The following PARP4 variants were observed in gnomAD, a reference collection of about 807,000 sequenced individuals.
PARP4 encodes the protein protein mono-ADP-ribosyltransferase PARP4.
Under a neutral mutation model 187.7 loss-of-function variants are expected in PARP4, and 120 were observed. The ratio of observed to expected loss-of-function variants is 0.64; its 90% CI spans 0.55 to 0.74. PARP4 has a LOEUF of 0.74. Among genes scored for constraint, PARP4 ranks in the 30% least tolerant of loss-of-function variants. The pLI is 0.00. For synonymous variants in PARP4, 654 were observed against 740.9 expected (o/e 0.88, Z 1.90); for missense variants, 1,836 against 2,070.5 (o/e 0.89, Z 2.20).
At chr13:24,499,634 A>G (rs1214660486) in intron 4 of PARP4, among the ~76,000 whole-genome samples, 1 of 152,186 alleles carries the variant, frequency 6.6e-6, no homozygotes, top group Non-Finnish European at 1.5e-5. Flanking sequence ...TCTGCACTGG[A>G]AGATGGTCTC....
At chr13:24,451,347 T>C (rs988180856) in intron 24 of PARP4, among the ~76,000 whole-genome samples, 1 of 152,222 alleles carries the variant, frequency 6.6e-6, no homozygotes, top group Non-Finnish European at 1.5e-5. Flanking sequence ...TGGCCTGTGA[T>C]GCTGGGCTAG....
intron 1 of PARP4, among the ~76,000 whole-genome samples, chr13:24,504,440 A>T (rs1247994534): frequency 6.7e-6 from 1 of 148,910 alleles, no homozygotes; most frequent in Non-Finnish European, 1.5e-5. Context: ...CAGCCTCCCG[A>T]GTAGCTGGGA....
chr13:24,421,819 G>A (rs1273975104), intron 33 of PARP4, among the ~76,000 whole-genome samples: 6 of 152,262 alleles, frequency 3.9e-5, no homozygotes, highest in Non-Finnish European at 7.3e-5. Context: ...TAAGCATATC[G>A]AGTCAAGTCT....
rs538398794 is a variant in PARP4 at position 24,462,288 on chromosome 13, C to T, written c.2134-2152G>A. On this transcript the variant is annotated intron_variant, in intron 17 of 33. Coordinates refer to ENST00000381989, the MANE Select transcript of PARP4 (RefSeq NM_006437.4). ...GAATGAACCTCAGTGAGAATTGTTC[C>T]GGATCCAGAACCCAAGAGGCACAGG... Among the ~76,000 whole-genome samples the T allele has an allele frequency of 2.2e-4, 33 of 152,248 alleles. 1 individual carries two copies. Among genetic ancestry groups the T allele is most frequent in the African/African-American group, 7.7e-4 (32 of 41,558 alleles).
chr13:24,455,365 G>A (rs141068232), intron 21 of PARP4, among the ~76,000 whole-genome samples, 153 bp from the exon 22 acceptor site: 204 of 151,870 alleles, frequency 1.3e-3, no homozygotes, highest in African/African-American at 4.8e-3. Flanking sequence ...GGCCTACTAG[G>A]AGTTCCAGTC....
At chr13:24,425,131 T>A (rs1381175949) in intron 33 of PARP4, among the ~76,000 whole-genome samples, 1 of 152,054 alleles carries the variant, frequency 6.6e-6, no homozygotes, top group Non-Finnish European at 1.5e-5. Flanking sequence ...GCAAAGCCCC[T>A]TCTTTACAAA....
chr13:24,497,307 T>A (rs1368315833), intron 6 of PARP4, among the ~76,000 whole-genome samples: 1 of 152,186 alleles, frequency 6.6e-6, no homozygotes, highest in Non-Finnish European at 1.5e-5. Context: ...CAGTGGATTG[T>A]AATGATGAGT....
At chr13:24,500,247 T>C (rs1869197286) in intron 4 of PARP4, 69 bp downstream of exon 4, 10 of 779,456 alleles carry the variant, frequency 1.3e-5, no homozygotes, top group Admixed American at 2.7e-5. Flanking sequence ...ATTTTAATAC[T>C]GTGCTTGAGG....
At chr13:24,458,212 C>T (rs1871991182) in intron 20 of PARP4, among the ~76,000 whole-genome samples, 1 of 151,782 alleles carries the variant, frequency 6.6e-6, no homozygotes. Context: ...TGGGTTCACG[C>T]CATTCTCCTG....
intron 6 of PARP4, among the ~76,000 whole-genome samples, chr13:24,496,851 C>T (rs1472373125): frequency 6.6e-6 from 1 of 152,078 alleles, no homozygotes; most frequent in Non-Finnish European, 1.5e-5. Context: ...GGTGAAACCC[C>T]GTCTCTACTA....
At chr13:24,477,631 C>T in intron 14 of PARP4, 70 bp downstream of exon 14, 1 of 838,220 alleles carries the variant, frequency 1.2e-6, no homozygotes, top group Non-Finnish European at 2.0e-6. Context: ...ATATACATTC[C>T]ATTGAAAATA....
At chr13:24,462,363 AAC>A (rs2137487280) in intron 17 of PARP4, among the ~76,000 whole-genome samples, 1 of 152,262 alleles carries the variant, frequency 6.6e-6, no homozygotes, top group African/African-American at 2.4e-5. Flanking sequence ...TAATAATAAC[AAC>A]AGAGAGTAAT....
Position 24,474,340 on chromosome 13 carries a change from G to A in PARP4, c.1914+1132C>T, listed in dbSNP as rs1290225635. Among the ~76,000 whole-genome samples, 5 of 127,606 alleles carry A rather than the reference G, an allele frequency of 3.9e-5. No homozygotes were observed. The East Asian group carries it at 7.6e-4, about 19-fold the overall frequency. The allele number at this position is 127,606 out of a possible 152,430, so 83.7% of individuals were successfully genotyped here. ...AATCGTCTCCTCTATGTGATGTGAC[G>A]TTGGGCCTGCTGTGTCCCCTTCAGG... On this transcript the variant is annotated intron_variant, in intron 15 of 33. Coordinates refer to ENST00000381989, the MANE Select transcript of PARP4 (RefSeq NM_006437.4).
At chr13:24,484,067 A>C (rs1432942444) in intron 12 of PARP4, among the ~76,000 whole-genome samples, 1 of 152,318 alleles carries the variant, frequency 6.6e-6, no homozygotes, top group Non-Finnish European at 1.5e-5. Flanking sequence ...GCCTGAACTC[A>C]GTCTCCATCC....
intron 6 of PARP4, among the ~76,000 whole-genome samples, chr13:24,497,347 C>G (rs551569134): frequency 5.9e-5 from 9 of 152,206 alleles, no homozygotes; most frequent in African/African-American, 1.9e-4. Context: ...TGATCTCTGA[C>G]GCCAGGGTGT....
intron 17 of PARP4, among the ~76,000 whole-genome samples, chr13:24,462,475 C>T (rs553003770): frequency 6.6e-6 from 1 of 152,202 alleles, no homozygotes; most frequent in Admixed American, 6.5e-5. Flanking sequence ...TTATTTCAGT[C>T]TCTCTTCTTC....
At chr13:24,503,611 T>G in intron 2 of PARP4, 34 bp downstream of exon 2, 1 of 1,610,716 alleles carries the variant, frequency 6.2e-7, no homozygotes, top group Non-Finnish European at 8.5e-7. Context: ...GCGCAATGTT[T>G]TATCACACTG....
intron 27 of PARP4, among the ~76,000 whole-genome samples, chr13:24,445,514 G>C (rs368658210): frequency 6.7e-4 from 102 of 152,246 alleles, no homozygotes; most frequent in African/African-American, 2.4e-3. Flanking sequence ...CACCTAAAGG[G>C]GTTCAGGGAG....
At chr13:24,433,104 C>T (rs1870433334) in intron 31 of PARP4, among the ~76,000 whole-genome samples, 1 of 152,170 alleles carries the variant, frequency 6.6e-6, no homozygotes, top group African/African-American at 2.4e-5. Flanking sequence ...GCGTAACGTC[C>T]TCTGGAATGT....
Sources: allele counts gnomAD v4.1 joint callset (sites outside exome capture counted in the v4.1 genomes callset), GRCh38; gene constraint gnomAD v4.1.1; transcripts MANE v1.5; gene names NCBI Gene and HGNC (gene_info 2026-07-23, HGNC 2026-07-21).